The following AP2A1 variants were observed in gnomAD, a reference collection of about 807,000 sequenced individuals.
AP2A1 encodes adaptor related protein complex 2 subunit alpha 1.
AP2A1 carries 21 observed loss-of-function variants against 107.3 expected under a neutral mutation model. The ratio of observed to expected loss-of-function variants is 0.20; its 90% CI spans 0.14 to 0.28. The LOEUF (loss-of-function observed/expected upper bound fraction) is 0.28, where lower values mean the gene tolerates loss of function less well. AP2A1 is among the 10% of genes least tolerant of loss of function. The pLI is 1.00. For synonymous variants in AP2A1, 602 were observed against 564.8 expected (o/e 1.07, Z -0.93); for missense variants, 873 against 1,307.7 (o/e 0.67, Z 5.13).
intron 18 of AP2A1, chr19:49,805,213 A>G: frequency 2.2e-6 from 1 of 460,570 alleles, no homozygotes; most frequent in Non-Finnish European, 3.8e-6. Context: ...CAGAGCTAAT[A>G]CTATTATGTC....
At chr19:49,777,416 A>T (rs1435929553) in intron 1 of AP2A1, among the ~76,000 whole-genome samples, 1 of 151,526 alleles carries the variant, frequency 6.6e-6, no homozygotes, top group East Asian at 1.9e-4. Flanking sequence ...CGGGCGGATC[A>T]CCAGGTCAGG....
At chr19:49,767,281 C>T (rs891546438) in intron 1 of AP2A1, 81 bp downstream of exon 1, 53 of 1,540,392 alleles carry the variant, frequency 3.4e-5, no homozygotes, top group Non-Finnish European at 4.3e-5. Flanking sequence ...CACAGAGGGA[C>T]CCGGGGGATC....
At chr19:49,802,761 G>A in intron 15 of AP2A1, 188 bp from the exon 16 acceptor site, 3 of 1,003,472 alleles carry the variant, frequency 3.0e-6, no homozygotes, top group Non-Finnish European at 4.3e-6. Flanking sequence ...GCGGGGGCAC[G>A]GGCCAGGGTT....
chr19:49,776,617 G>T (rs1053015179), intron 1 of AP2A1, among the ~76,000 whole-genome samples: 1 of 144,836 alleles, frequency 6.9e-6, no homozygotes, highest in Non-Finnish European at 1.5e-5. Flanking sequence ...TCCTGTGACA[G>T]TGAGCTCATT....
At chr19:49,786,369 C>T (rs1461361386) in intron 4 of AP2A1, among the ~76,000 whole-genome samples, 1 of 152,200 alleles carries the variant, frequency 6.6e-6, no homozygotes, top group Admixed American at 6.5e-5. Flanking sequence ...TTTTATTTGA[C>T]ATCTGTGTTT....
At position 49,782,528 on chromosome 19, in the gene AP2A1, C is replaced by T. The variant is rs1350558323; in HGVS notation, c.280-3C>T. On this transcript the variant is annotated splice_polypyrimidine_tract_variant and splice_region_variant and intron_variant, in intron 3 of 22. Transcript: ENST00000354293. ...TAGCCATCCACGACCTCCCTCCCCA[C>T]AGGGTTACCTGTTCATTTCTGTGCT... 6.2e-7 allele frequency: 1 copy of T among 1,612,798 alleles called. No individual in the cohort carries two copies. The highest frequency in any genetic ancestry group is 1.7e-5 in the Admixed American group (1 of 59,882).
chr19:49,795,177 C>T (rs184501276), intron 6 of AP2A1, among the ~76,000 whole-genome samples: 20 of 152,274 alleles, frequency 1.3e-4, no homozygotes, highest in South Asian at 6.2e-4. Flanking sequence ...GGCTCAGAGC[C>T]GAGTGAGGAG....
intron 11 of AP2A1, 67 bp downstream of exon 11, chr19:49,800,217 G>A: frequency 6.7e-7 from 1 of 1,502,032 alleles, no homozygotes; most frequent in Non-Finnish European, 9.0e-7. Flanking sequence ...AGGATGGCCG[G>A]GGCCGTGGCG....
In AP2A1 at chr19:49,781,782, G is replaced by A. The variant is rs2084678922; in HGVS notation, c.93G>A (p.Lys31=). Residue 31 remains lysine (K), a synonymous_variant, in exon 2 of 23, where the codon AAG becomes AAA. Transcript: ENST00000354293. ...GTAAGAGCAAAGAGGCGGAAATTAA[G>A]AGAATCAACAAGGAACTGGCCAACA... The part of the protein sequence containing the change: ...RNCKSKEAEI[K]RINKELANIR... 3 of 1,604,720 alleles carry A rather than the reference G, an allele frequency of 1.9e-6. No individual in the cohort carries two copies. Among genetic ancestry groups the A allele is most frequent in the Non-Finnish European group, 2.6e-6 (3 of 1,175,550 alleles).
chr19:49,776,474 C>T (rs961562974), intron 1 of AP2A1, among the ~76,000 whole-genome samples: 1 of 152,202 alleles, frequency 6.6e-6, no homozygotes, highest in Admixed American at 6.5e-5. Context: ...TTGCCACTGT[C>T]CCTGTCTGCC....
At chr19:49,787,785 T>C (rs771862455) in intron 4 of AP2A1, among the ~76,000 whole-genome samples, 4 of 152,070 alleles carry the variant, frequency 2.6e-5, no homozygotes, top group Non-Finnish European at 5.9e-5. Context: ...TCCCTCCCCA[T>C]TCCCTCTTCC....
chr19:49,795,027 A>G (rs1447747316), intron 6 of AP2A1, among the ~76,000 whole-genome samples: 1 of 152,182 alleles, frequency 6.6e-6, no homozygotes, highest in Non-Finnish European at 1.5e-5. Context: ...CTGACCTTGT[A>G]TTAGGCCTAG....
intron 9 of AP2A1, 59 bp downstream of exon 9, chr19:49,799,554 C>G: frequency 6.2e-7 from 1 of 1,602,188 alleles, no homozygotes; most frequent in East Asian, 2.2e-5. Context: ...ACCAGAGGCT[C>G]AGAGGCCCTT....
chr19:49,793,980 C>T (rs1049263977), intron 6 of AP2A1, among the ~76,000 whole-genome samples: 4 of 141,472 alleles, frequency 2.8e-5, no homozygotes, highest in Non-Finnish European at 4.5e-5. Context: ...GATCTCGGCT[C>T]ACTGCAAGCT....
At chr19:49,780,185 A>T (rs1398622255) in intron 1 of AP2A1, among the ~76,000 whole-genome samples, 2 of 152,230 alleles carry the variant, frequency 1.3e-5, no homozygotes, top group African/African-American at 4.8e-5. Flanking sequence ...CTCCCTCCTG[A>T]TGCTTACAGT....
At chr19:49,769,815 C>T (rs1427214116) in intron 1 of AP2A1, among the ~76,000 whole-genome samples, 1 of 152,096 alleles carries the variant, frequency 6.6e-6, no homozygotes, top group East Asian at 1.9e-4. Context: ...TTGCAGGCCT[C>T]TGGGTGAGAG....
rs775856870 is a variant in AP2A1, at chr19:49,803,320, C to T, written c.2288C>T (p.Ser763Leu). ...RMYLFYGNKT[S>L]VQFQNFSPTV... is the part of the protein sequence containing the mutation. Reference sequence around the variant, plus strand: ...TATCTCTTCTATGGCAACAAGACCTCGGTGCAGTTCCAGAATTTCTCACCC... The same window carrying T: ...TATCTCTTCTATGGCAACAAGACCTTGGTGCAGTTCCAGAATTTCTCACCC... Residue 763 changes from serine to leucine, a missense_variant, in exon 18 of 23, where the codon TCG becomes TTG. By Grantham distance (145) the Ser-to-Leu change is moderately radical. Coordinates refer to ENST00000354293, the MANE Select transcript of AP2A1 (RefSeq NM_130787.3). 1.8e-5 allele frequency: 29 copies of T among 1,613,806 alleles called. No individual in the cohort carries two copies. The highest frequency in any genetic ancestry group is 2.3e-5 in the Non-Finnish European group (27 of 1,179,900).
Position 49,799,755 on chromosome 19 carries a change from C to CGCGAG in AP2A1, c.1263_1267dup (p.Glu423AlafsTer6). 6.2e-7 allele frequency: 1 copy of CGCGAG among 1,613,296 alleles called. No homozygotes were observed. Among genetic ancestry groups the CGCGAG allele is most frequent in the Non-Finnish European group, 8.5e-7 (1 of 1,179,818 alleles). ...CCTGGAGACGGCAGACTACGCCATCCGCGAGGAGATCGTGAGTGCTGTGGG... is the reference window on the plus strand; with the variant it reads ...CCTGGAGACGGCAGACTACGCCATCCGCGAGGCGAGGAGATCGTGAGTGCTGTGGG... On this transcript the variant is annotated frameshift_variant, in exon 10 of 23. Transcript: ENST00000354293. LOFTEE classifies it high-confidence loss of function.
At position 49,805,745 on chromosome 19, in the gene AP2A1, G is replaced by A; in HGVS notation, c.2553G>A (p.Gln851=). ...KFFQPTEMAA[Q]DFFQRWKQLS... ...TCCAGCCCACCGAGATGGCGGCCCAGGATTTCTTCCAGCGCTGGAAGCAGC... is the reference window on the plus strand; with the variant it reads ...TCCAGCCCACCGAGATGGCGGCCCAAGATTTCTTCCAGCGCTGGAAGCAGC... Residue 851 remains glutamine (Q), a synonymous_variant, in exon 20 of 23, where the codon CAG becomes CAA. Coordinates refer to ENST00000354293, the MANE Select transcript of AP2A1 (RefSeq NM_130787.3). 6.5e-7 allele frequency: 1 copy of A among 1,548,990 alleles called. No homozygotes were observed. Among genetic ancestry groups the A allele is most frequent in the Non-Finnish European group, 8.7e-7 (1 of 1,144,620 alleles).
Sources: gnomAD v4.1 joint callset for allele counts (sites outside exome capture counted in the v4.1 genomes callset) on GRCh38, gnomAD v4.1.1 for gene constraint, MANE v1.5 for transcripts, NCBI Gene and HGNC (gene_info 2026-07-23, HGNC 2026-07-21) for gene names.